CBL: variants seen among roughly 807,000 people sequenced by gnomAD.
The protein encoded by CBL is E3 ubiquitin-protein ligase CBL.
Under a neutral mutation model 96.9 loss-of-function variants are expected in CBL, and 45 were observed. That is an observed-to-expected ratio of 0.46 (90% CI 0.37 to 0.60). CBL has a LOEUF of 0.60. Ranked by LOEUF, CBL falls within the 20% of genes least tolerant of loss-of-function variation. CBL has a pLI of 0.00. For missense variants in CBL, 1,024 were observed against 1,143.5 expected, an observed-to-expected ratio of 0.90 and a Z score of 1.51; for synonymous variants, 420 against 426.8, an observed-to-expected ratio of 0.98 and a Z score of 0.20.
At chr11:119,237,873 G>T (rs925870824) in intron 2 of CBL, among the ~76,000 whole-genome samples, 1 of 151,830 alleles carries the variant, frequency 6.6e-6, no homozygotes, top group Non-Finnish European at 1.5e-5. Flanking sequence ...TGGATCCATT[G>T]TATTTCTTTT....
chr11:119,281,538 AGGCT>A (rs1949933884), intron 9 of CBL, among the ~76,000 whole-genome samples: 1 of 138,508 alleles, frequency 7.2e-6, no homozygotes, highest in Non-Finnish European at 1.5e-5. Context: ...TCTGTCACCC[AGGCT>A]GGAGTGCAGT....
intron 1 of CBL, among the ~76,000 whole-genome samples, chr11:119,212,954 C>G (rs374146659): frequency 7.3e-6 from 1 of 137,008 alleles, no homozygotes; most frequent in African/African-American, 2.9e-5. Context: ...GCCTGGGTGA[C>G]AGAGCAAAAC....
intron 9 of CBL, among the ~76,000 whole-genome samples, chr11:119,281,045 AAT>A (rs1390127951): frequency 6.6e-6 from 1 of 152,158 alleles, no homozygotes; most frequent in African/African-American, 2.4e-5. Context: ...ACATCCTCTC[AAT>A]ATAGTTTCTA....
intron 2 of CBL, among the ~76,000 whole-genome samples, chr11:119,240,162 G>GC (rs1387921381): frequency 1.3e-4 from 20 of 152,008 alleles, no homozygotes; most frequent in African/African-American, 4.8e-4. Context: ...GGACATGGTG[G>GC]CATATACCTG....
chr11:119,277,646 T>TA (rs1199037248), intron 6 of CBL, 111 bp from the exon 7 acceptor site: 7 of 736,984 alleles, frequency 9.5e-6, no homozygotes, highest in Admixed American at 2.0e-5. Context: ...TCTTTATACT[T>TA]ACACCACGTT....
chr11:119,240,690 T>C (rs906305746), intron 2 of CBL, among the ~76,000 whole-genome samples: 2 of 152,184 alleles, frequency 1.3e-5, no homozygotes, highest in African/African-American at 4.8e-5. Context: ...GGGAGACATA[T>C]GTGTTCCTTC....
chr11:119,278,272 G>T lies in CBL; in HGVS notation c.1202G>T (p.Cys401Phe), dbSNP rs1357686410. 1.2e-6 allele frequency: 2 copies of T among 1,613,756 alleles called. No individual in the cohort carries two copies. Among genetic ancestry groups the T allele is most frequent in the Non-Finnish European group, 1.7e-6 (2 of 1,179,698 alleles). The change falls in exon 8 of 16, where the codon TGC (cysteine) becomes TTC (phenylalanine). Residue 401 changes from cysteine to phenylalanine, a missense_variant. Physicochemically the swap from Cys to Phe is radical, Grantham distance 205 (BLOSUM62 -2). Transcript: ENST00000264033. ...VKIEPCGHLM[C>F]TSCLTSWQES... Reference sequence around the variant, plus strand: ...ATTGAGCCCTGTGGACACCTCATGTGCACATCCTGTCTTACATCCTGGCAG... The same window carrying T: ...ATTGAGCCCTGTGGACACCTCATGTTCACATCCTGTCTTACATCCTGGCAG...
chr11:119,227,398 G>A (rs572856680), intron 1 of CBL, among the ~76,000 whole-genome samples: 16 of 152,124 alleles, frequency 1.1e-4, no homozygotes, highest in African/African-American at 3.1e-4. Flanking sequence ...GTAGTTGTTC[G>A]CTCTTTTTGG....
At chr11:119,279,172 C>CTT (rs757371706) in intron 9 of CBL, among the ~76,000 whole-genome samples, 6 of 145,032 alleles carry the variant, frequency 4.1e-5, no homozygotes, top group East Asian at 4.0e-4. Flanking sequence ...GTTCTGTTCC[C>CTT]TTTTTTTTTT....
At chr11:119,210,457 A>G (rs1949306874) in intron 1 of CBL, among the ~76,000 whole-genome samples, 1 of 151,872 alleles carries the variant, frequency 6.6e-6, no homozygotes, top group South Asian at 2.1e-4. Context: ...TTATTTATTT[A>G]TTTGCTCTGT....
chr11:119,270,288 A>G (rs539970314), intron 2 of CBL, among the ~76,000 whole-genome samples: 1 of 126,084 alleles, frequency 7.9e-6, no homozygotes, highest in African/African-American at 3.1e-5. Context: ...TCTGTTGCCC[A>G]GGCTGGAGTG....
intron 1 of CBL, among the ~76,000 whole-genome samples, chr11:119,214,922 A>G (rs993766661): frequency 9.8e-5 from 12 of 122,120 alleles, no homozygotes; most frequent in Admixed American, 1.8e-4. Context: ...TTTTTTAGTG[A>G]GTGCTCATTA....
In CBL at chr11:119,300,270, TC is replaced by T. The variant is rs1311958494; in HGVS notation, c.*491del. On this transcript the variant is annotated 3_prime_UTR_variant, in exon 16 of 16. Transcript: ENST00000264033. Reference sequence around the variant, plus strand: ...AGGAAGGAATCTTTTTTTAAAGACTTCCATCTACTGTGGTATTATACCCAAG... The same window carrying T: ...AGGAAGGAATCTTTTTTTAAAGACTTCATCTACTGTGGTATTATACCCAAG... 8 of 454,678 alleles carry T rather than the reference TC, an allele frequency of 1.8e-5. No individual in the cohort carries two copies. The highest frequency in any genetic ancestry group is 3.8e-5 in the Admixed American group (1 of 26,440). The allele number at this position is 454,678 out of a possible 1,614,324, so 28.2% of individuals were successfully genotyped here. A position where few individuals can be genotyped will look rare whatever the true frequency, so the allele number is the denominator to read the frequency against.
intron 1 of CBL, among the ~76,000 whole-genome samples, chr11:119,207,424 C>T (rs572499782): frequency 5.3e-5 from 8 of 152,324 alleles, no homozygotes; most frequent in South Asian, 2.1e-4. Context: ...GAGCTGGGTT[C>T]TTTTTTTCTG....
At chr11:119,291,875 G>A (rs1051217394) in intron 12 of CBL, among the ~76,000 whole-genome samples, 5 of 146,170 alleles carry the variant, frequency 3.4e-5, no homozygotes, top group South Asian at 2.2e-4. Context: ...TTTTTTTTTC[G>A]AGACAGAGTC....
intron 2 of CBL, among the ~76,000 whole-genome samples, chr11:119,265,615 G>T (rs1949796179): frequency 6.6e-6 from 1 of 152,146 alleles, no homozygotes; most frequent in Non-Finnish European, 1.5e-5. Context: ...GCTGGGCGCG[G>T]TAGCTCACAC....
intron 1 of CBL, among the ~76,000 whole-genome samples, chr11:119,221,208 A>G (rs936571426): frequency 1.3e-5 from 2 of 151,556 alleles, no homozygotes; most frequent in Non-Finnish European, 1.5e-5. Flanking sequence ...ACACCACTGC[A>G]TTCCAGCCTG....
Position 119,287,908 on chromosome 11 carries a change from T to G in CBL, c.1998T>G (p.Pro666=). The G allele has an allele frequency of 1.2e-6, 2 of 1,613,708 alleles. No individual in the cohort carries two copies. Among genetic ancestry groups the G allele is most frequent in the Non-Finnish European group, 1.7e-6 (2 of 1,179,590 alleles). Residue 666 remains proline, a synonymous_variant, in exon 12 of 16, where the codon CCT becomes CCG. Coordinates refer to ENST00000264033, the MANE Select transcript of CBL (RefSeq NM_005188.4). The part of the protein sequence containing the change: ...GPECDHPKIK[P]SSSANAIYSL... ...AGTGTGACCACCCCAAAATCAAACCTTCCTCATCTGCCAATGCCATTTATT... is the reference window on the plus strand; with the variant it reads ...AGTGTGACCACCCCAAAATCAAACCGTCCTCATCTGCCAATGCCATTTATT...
intron 11 of CBL, among the ~76,000 whole-genome samples, chr11:119,286,328 A>T (rs2135311687): frequency 1.3e-5 from 2 of 152,344 alleles, no homozygotes; most frequent in East Asian, 1.9e-4. Context: ...TTCACAGACC[A>T]GATGAGGCAG....
Sources: gnomAD v4.1 joint callset for allele counts (sites outside exome capture counted in the v4.1 genomes callset) on GRCh38, gnomAD v4.1.1 for gene constraint, MANE v1.5 for transcripts, NCBI Gene and HGNC (gene_info 2026-07-23, HGNC 2026-07-21) for gene names.